Variants in SEPHS1 observed in about 807,000 individuals in gnomAD.
The protein encoded by SEPHS1 is zincore component SEPHS1.
In SEPHS1, 7 loss-of-function variants were observed where a neutral mutation model predicts 39.2. The observed-to-expected ratio is 0.18, with a 90% CI of 0.10 to 0.34. The LOEUF is 0.34. SEPHS1 is among the 10% of genes least tolerant of loss of function. SEPHS1 has a pLI of 1.00. For synonymous variants in SEPHS1, 190 were observed against 195.5 expected, an observed-to-expected ratio of 0.97 and a Z score of 0.23; for missense variants, 253 against 514.5, an observed-to-expected ratio of 0.49 and a Z score of 4.92.
chr10:13,318,789 C>A lies in SEPHS1; in HGVS notation c.*353G>T. 1 of 219,434 alleles carries A rather than the reference C, an allele frequency of 4.6e-6. No individual in the cohort carries two copies. Among genetic ancestry groups the A allele is most frequent in the South Asian group, 8.0e-5 (1 of 12,508 alleles). 13.6% of individuals were successfully genotyped at this position (219,434 alleles called of 1,614,324 possible). A position where few individuals can be genotyped will look rare whatever the true frequency, so the allele number is the denominator to read the frequency against. Reference sequence around the variant, plus strand: ...GATAAATATACATAAAATGAAGACACCAACTGCTATTTGACACGACTACGG... The same window carrying A: ...GATAAATATACATAAAATGAAGACAACAACTGCTATTTGACACGACTACGG... On this transcript the variant is annotated 3_prime_UTR_variant, in exon 9 of 9. Coordinates refer to ENST00000327347, the MANE Select transcript of SEPHS1 (RefSeq NM_012247.5).
rs1021967260 is a variant in SEPHS1, at chr10:13,317,849, G to A, written c.*1293C>T. The A allele has an allele frequency of 6.6e-6, 1 of 152,198 alleles. No individual in the cohort carries two copies. The allele number at this position is 152,198 out of a possible 1,614,324, so 9.4% of individuals were successfully genotyped here. A position where few individuals can be genotyped will look rare whatever the true frequency, so the allele number is the denominator to read the frequency against. Reference sequence around the variant, plus strand: ...AGGAATCCCTCCTCATTGCTTAGTAGGTTAAAATATAAGGAAGCCTCCACT... The same window carrying A: ...AGGAATCCCTCCTCATTGCTTAGTAAGTTAAAATATAAGGAAGCCTCCACT... On this transcript the variant is annotated 3_prime_UTR_variant, in exon 9 of 9. Coordinates refer to ENST00000327347, the MANE Select transcript of SEPHS1 (RefSeq NM_012247.5).
chr10:13,337,306 A>C (rs1243035480), intron 3 of SEPHS1, among the ~76,000 whole-genome samples: 1 of 152,244 alleles, frequency 6.6e-6, no homozygotes, highest in African/African-American at 2.4e-5. Context: ...CCAGTAAATG[A>C]TGTCATTTTA....
intron 7 of SEPHS1, among the ~76,000 whole-genome samples, chr10:13,326,078 CT>C (rs1833279495): frequency 6.6e-6 from 1 of 151,940 alleles, no homozygotes; most frequent in Admixed American, 6.6e-5. Context: ...GGTATAAGAT[CT>C]GCATCCAGAA....
At chr10:13,347,544 G>C (rs1193064906) in intron 1 of SEPHS1, among the ~76,000 whole-genome samples, 1 of 146,816 alleles carries the variant, frequency 6.8e-6, no homozygotes, top group East Asian at 2.0e-4. Flanking sequence ...CCCAGGAGCC[G>C]GGGAGGACGC....
intron 7 of SEPHS1, among the ~76,000 whole-genome samples, chr10:13,323,743 CTTTT>C: frequency 7.0e-6 from 1 of 143,272 alleles, no homozygotes; most frequent in Non-Finnish European, 1.5e-5. Context: ...AAATTTCTTT[CTTTT>C]TTTTTTTTTT....
Position 13,319,138 on chromosome 10 carries a change from T to C in SEPHS1, c.*4A>G, listed in dbSNP as rs748405882. On this transcript the variant is annotated 3_prime_UTR_variant, in exon 9 of 9. Coordinates refer to ENST00000327347, the MANE Select transcript of SEPHS1 (RefSeq NM_012247.5). The stretch of plus-strand genomic sequence containing the variant: ...ACAAAACCAAACAGCTATTTCTGTC[T>C]AGATTAAGAGGTGGCCCCGGGTGTG... 1 of 1,611,456 alleles carries C rather than the reference T, an allele frequency of 6.2e-7. No individual in the cohort carries two copies. Among genetic ancestry groups the C allele is most frequent in the South Asian group, 1.1e-5 (1 of 90,396 alleles).
chr10:13,329,831 G>C, intron 5 of SEPHS1, 43 bp from the exon 6 acceptor site: 1 of 1,428,038 alleles, frequency 7.0e-7, no homozygotes, highest in South Asian at 1.2e-5. Context: ...ACTAACCAAG[G>C]AGATGAGCTC....
intron 1 of SEPHS1, among the ~76,000 whole-genome samples, chr10:13,346,974 G>A (rs1833940033): frequency 6.6e-6 from 1 of 152,008 alleles, no homozygotes; most frequent in South Asian, 2.1e-4. Context: ...AATGAAAAAA[G>A]TACTAGATTC....
intron 2 of SEPHS1, among the ~76,000 whole-genome samples, chr10:13,342,245 C>T (rs1271139302): frequency 2.1e-5 from 3 of 145,194 alleles, no homozygotes; most frequent in South Asian, 4.4e-4. Context: ...CCAGCCTGGG[C>T]GACAGAGCGA....
At chr10:13,320,458 G>T (rs188012071) in intron 8 of SEPHS1, among the ~76,000 whole-genome samples, 297 of 152,110 alleles carry the variant, frequency 2.0e-3, no homozygotes, top group Non-Finnish European at 3.5e-3. Flanking sequence ...TGGGATTACA[G>T]GCGTGAGCCA....
At chr10:13,343,903 T>C (rs941215197) in intron 2 of SEPHS1, among the ~76,000 whole-genome samples, 1 of 152,160 alleles carries the variant, frequency 6.6e-6, no homozygotes, top group Non-Finnish European at 1.5e-5. Flanking sequence ...AGAAAAGTGA[T>C]CACAGTCTTG....
intron 5 of SEPHS1, among the ~76,000 whole-genome samples, chr10:13,330,346 T>C (rs574127588): frequency 3.3e-5 from 5 of 152,172 alleles, no homozygotes; most frequent in Non-Finnish European, 7.3e-5. Flanking sequence ...GTGGGTCTAA[T>C]GTCTTGGTGA....
At chr10:13,332,237 G>C (rs959184218) in intron 5 of SEPHS1, among the ~76,000 whole-genome samples, 1 of 152,242 alleles carries the variant, frequency 6.6e-6, no homozygotes, top group Admixed American at 6.5e-5. Context: ...GATGGACCCG[G>C]AAAACATTCC....
chr10:13,327,176 G>A (rs1453892483), intron 7 of SEPHS1, among the ~76,000 whole-genome samples: 2 of 143,326 alleles, frequency 1.4e-5, no homozygotes, highest in East Asian at 2.0e-4. Context: ...GGTAGGTAGC[G>A]GTTGCAGTGA....
At chr10:13,343,671 C>T (rs890587783) in intron 2 of SEPHS1, among the ~76,000 whole-genome samples, 3 of 87,816 alleles carry the variant, frequency 3.4e-5, no homozygotes, top group African/African-American at 4.8e-5. Context: ...AAAAATTAGC[C>T]GGGCATGTGG....
chr10:13,346,001 G>GA (rs1289080492), intron 1 of SEPHS1, among the ~76,000 whole-genome samples: 5 of 152,378 alleles, frequency 3.3e-5, no homozygotes, highest in Admixed American at 2.6e-4. Flanking sequence ...CGAAAGCCTG[G>GA]AAAGTTCTCT....
At chr10:13,342,144 G>A (rs1306131784) in intron 2 of SEPHS1, among the ~76,000 whole-genome samples, 1 of 151,822 alleles carries the variant, frequency 6.6e-6, no homozygotes, top group Non-Finnish European at 1.5e-5. Context: ...GCGGGCGCCT[G>A]TAGTCCCAGC....
At chr10:13,337,638 A>G (rs1011049601) in intron 3 of SEPHS1, among the ~76,000 whole-genome samples, 2 of 152,146 alleles carry the variant, frequency 1.3e-5, no homozygotes, top group Admixed American at 1.3e-4. Context: ...CAACTCGCAC[A>G]AGCCAATCGC....
In SEPHS1 at chr10:13,328,435, T is replaced by G; in HGVS notation, c.667A>C (p.Lys223Gln). Residue 223 changes from lysine (K) to glutamine (Q), a missense_variant, in exon 7 of 9, where the codon AAG (lysine) becomes CAG (glutamine). Physicochemically the swap from Lys to Gln is moderately conservative, Grantham distance 53. Transcript: ENST00000327347. ...QWLDIPEKWNKIKLVVTQEDV... is the reference protein window; with the variant it reads ...QWLDIPEKWNQIKLVVTQEDV... The stretch of plus-strand genomic sequence containing the variant: ...TCTTGGGTGACCACTAGTTTAATCT[T>G]ATTCCATTTCTCAGGCTGATAATAG... 6.2e-7 allele frequency: 1 copy of G among 1,610,526 alleles called. No homozygotes were observed. The highest frequency in any genetic ancestry group is 8.5e-7 in the Non-Finnish European group (1 of 1,177,074).
Sources: allele counts gnomAD v4.1 joint callset (sites outside exome capture counted in the v4.1 genomes callset), GRCh38; gene constraint gnomAD v4.1.1; transcripts MANE v1.5; gene names NCBI Gene and HGNC (gene_info 2026-07-23, HGNC 2026-07-21).